Variants in ZFPM2 observed in about 807,000 individuals in gnomAD.
ZFPM2 encodes zinc finger protein ZFPM2.
ZFPM2 carries 20 observed loss-of-function variants against 98.6 expected under a neutral mutation model. That is an observed-to-expected ratio of 0.20 (90% CI 0.14 to 0.29). The LOEUF is 0.29. Ranked by LOEUF, ZFPM2 falls within the 10% of genes least tolerant of loss-of-function variation. The pLI is 1.00. For synonymous variants in ZFPM2, 518 were observed against 502.7 expected (o/e 1.03, Z -0.41); for missense variants, 1,310 against 1,388.6 (o/e 0.94, Z 0.90).
intron 6 of ZFPM2, among the ~76,000 whole-genome samples, chr8:105,795,240 T>A (rs1179771465): frequency 7.4e-6 from 1 of 134,964 alleles, no homozygotes; most frequent in Non-Finnish European, 1.5e-5. Flanking sequence ...CCCCCTCATT[T>A]TATCTTTGTG....
Position 105,801,366 on chromosome 8 carries a change from G to A in ZFPM2, c.1284G>A (p.Gln428=). 6.2e-7 allele frequency: 1 copy of A among 1,613,922 alleles called. No homozygotes were observed. The highest frequency in any genetic ancestry group is 8.5e-7 in the Non-Finnish European group (1 of 1,179,876). The change falls in exon 8 of 8, where the codon CAG becomes CAA. Residue 428 remains glutamine (Q), a synonymous_variant. Coordinates refer to ENST00000407775, the MANE Select transcript of ZFPM2 (RefSeq NM_012082.4). ...TTCCCCAGAGCCAAAAGGCCATGCA[G>A]ACTAAAGATGCGAGCTCTGACACAG... ...SELPQSQKAM[Q]TKDASSDTEL...
chr8:105,751,780 C>T (rs1340723114), intron 5 of ZFPM2, among the ~76,000 whole-genome samples: 4 of 150,116 alleles, frequency 2.7e-5, no homozygotes, highest in Non-Finnish European at 5.9e-5. Context: ...TAGATTTGAC[C>T]TTAGGTAGAT....
intron 5 of ZFPM2, among the ~76,000 whole-genome samples, chr8:105,680,241 G>A (rs1810571554): frequency 6.6e-6 from 1 of 152,066 alleles, no homozygotes; most frequent in African/African-American, 2.4e-5. Flanking sequence ...GGATGTTTGG[G>A]TAACAAATGT....
rs773311918 is a variant in ZFPM2, at chr8:105,802,628, G to A, written c.2546G>A (p.Arg849Lys). Residue 849 changes from arginine (R) to lysine (K), a missense_variant, in exon 8 of 8, where the codon AGG (arginine) becomes AAG (lysine). Physicochemically the swap from Arg to Lys is conservative, Grantham distance 26 (BLOSUM62 2). Coordinates refer to ENST00000407775, the MANE Select transcript of ZFPM2 (RefSeq NM_012082.4). ...QSERTTTSPKRLLDYHECTVC... is the reference protein window; with the variant it reads ...QSERTTTSPKKLLDYHECTVC... The stretch of plus-strand genomic sequence containing the variant: ...GAGCGGACGACCACGTCTCCCAAAA[G>A]GCTGCTGGACTATCACGAGTGCACT... The A allele has an allele frequency of 5.6e-6, 9 of 1,610,974 alleles. No individual in the cohort carries two copies. The highest frequency in any genetic ancestry group is 1.3e-5 in the African/African-American group (1 of 74,986).
At chr8:105,761,093 T>C (rs1423965133) in intron 5 of ZFPM2, among the ~76,000 whole-genome samples, 2 of 152,014 alleles carry the variant, frequency 1.3e-5, no homozygotes, top group African/African-American at 4.8e-5. Flanking sequence ...AGCTGAGTCA[T>C]GTTATCTCAG....
At chr8:105,726,677 G>A (rs1811814688) in intron 5 of ZFPM2, among the ~76,000 whole-genome samples, 1 of 151,776 alleles carries the variant, frequency 6.6e-6, no homozygotes, top group Admixed American at 6.6e-5. Flanking sequence ...TGGAGTGAAA[G>A]GATGCACTTA....
intron 5 of ZFPM2, among the ~76,000 whole-genome samples, chr8:105,691,681 A>T (rs547462121): frequency 1.2e-3 from 180 of 152,220 alleles, no homozygotes; most frequent in African/African-American, 4.2e-3. Context: ...TTGTCATGTT[A>T]GTTTAGTTTC....
At chr8:105,421,317 G>T (rs866343860) in intron 2 of ZFPM2, among the ~76,000 whole-genome samples, 29 of 152,008 alleles carry the variant, frequency 1.9e-4, no homozygotes, top group African/African-American at 7.0e-4. Flanking sequence ...ATGATATAGA[G>T]ACCATATTAA....
rs543097055 is a variant in ZFPM2, at chr8:105,772,874, T to C, written c.533-15844T>C. On this transcript the variant is annotated intron_variant, in intron 5 of 7. Coordinates refer to ENST00000407775, the MANE Select transcript of ZFPM2 (RefSeq NM_012082.4). ...CTTCAGGAACCCAGGCTTCTGTTCT[T>C]ACCCTGTTTCAGAGGGGAAAGTTAC... 3.7e-4 allele frequency among the ~76,000 whole-genome samples: 56 copies of C among 152,290 alleles called. 1 individual carries two copies. The highest frequency in any genetic ancestry group is 1.1e-3 in the African/African-American group (47 of 41,578).
At chr8:105,658,086 T>C (rs1349906034) in intron 5 of ZFPM2, among the ~76,000 whole-genome samples, 1 of 152,186 alleles carries the variant, frequency 6.6e-6, no homozygotes, top group African/African-American at 2.4e-5. Flanking sequence ...TTTGGGATAT[T>C]TTCTTCACAT....
At chr8:105,789,911 C>T (rs1433059493) in intron 6 of ZFPM2, among the ~76,000 whole-genome samples, 88 of 150,176 alleles carry the variant, frequency 5.9e-4, no homozygotes, top group Admixed American at 2.6e-3. Context: ...TCATGTCCTT[C>T]GCCCACTTTT....
intron 1 of ZFPM2, among the ~76,000 whole-genome samples, chr8:105,366,806 A>T (rs1379747765): frequency 6.6e-6 from 1 of 151,600 alleles, no homozygotes; most frequent in Middle Eastern, 3.4e-3. Flanking sequence ...GCCCATGCCT[A>T]TGTCCTGAAT....
chr8:105,713,734 A>G (rs1236318209), intron 5 of ZFPM2, among the ~76,000 whole-genome samples: 1 of 151,856 alleles, frequency 6.6e-6, no homozygotes, highest in East Asian at 1.9e-4. Context: ...CCCATTGTTT[A>G]TTTTTGGAAA....
intron 5 of ZFPM2, among the ~76,000 whole-genome samples, chr8:105,781,372 TAGTA>T (rs1221553460): frequency 6.6e-6 from 1 of 152,192 alleles, no homozygotes; most frequent in Non-Finnish European, 1.5e-5. Flanking sequence ...GCCTGGCACA[TAGTA>T]AGTGCTTTCT....
chr8:105,722,964 G>A (rs1333127846), intron 5 of ZFPM2, among the ~76,000 whole-genome samples: 1 of 151,838 alleles, frequency 6.6e-6, no homozygotes, highest in South Asian at 2.1e-4. Context: ...AAGTGGTCTT[G>A]AATAATCGGA....
chr8:105,712,819 A>G (rs769292636), intron 5 of ZFPM2, among the ~76,000 whole-genome samples: 4 of 152,042 alleles, frequency 2.6e-5, no homozygotes, highest in Non-Finnish European at 5.9e-5. Context: ...TTCGTTTTCT[A>G]TTTTTGTGTT....
chr8:105,353,001 T>A (rs1197989281), intron 1 of ZFPM2, among the ~76,000 whole-genome samples: 1 of 152,198 alleles, frequency 6.6e-6, no homozygotes, highest in East Asian at 1.9e-4. Flanking sequence ...GTATAGGCTT[T>A]GAGCTAAGTA....
intron 3 of ZFPM2, among the ~76,000 whole-genome samples, chr8:105,499,825 G>T (rs1301290177): frequency 6.6e-6 from 1 of 152,150 alleles, no homozygotes; most frequent in Non-Finnish European, 1.5e-5. Flanking sequence ...AGAGGTGGAG[G>T]TTGGGGGAAG....
At chr8:105,589,321 C>A (rs1239859245) in intron 4 of ZFPM2, among the ~76,000 whole-genome samples, 1 of 152,162 alleles carries the variant, frequency 6.6e-6, no homozygotes, top group Non-Finnish European at 1.5e-5. Context: ...GTTAAATGCA[C>A]ATAACAATAC....
Sources: allele counts gnomAD v4.1 joint callset (sites outside exome capture counted in the v4.1 genomes callset), GRCh38; gene constraint gnomAD v4.1.1; transcripts MANE v1.5; gene names NCBI Gene and HGNC (gene_info 2026-07-23, HGNC 2026-07-21).